Variants in PTPRD observed in about 807,000 individuals in gnomAD.
The protein encoded by PTPRD is receptor-type tyrosine-protein phosphatase delta.
Under a neutral mutation model 214.5 loss-of-function variants are expected in PTPRD, and 34 were observed. That is an observed-to-expected ratio of 0.16 (90% CI 0.12 to 0.21). The LOEUF (loss-of-function observed/expected upper bound fraction) is 0.21, where lower values mean the gene tolerates loss of function less well. Ranked by LOEUF, PTPRD falls within the 10% of genes least tolerant of loss-of-function variation. The pLI is 1.00. For missense variants in PTPRD, 2,545 were observed against 2,398.7 expected (o/e 1.06, Z -1.27); for synonymous variants, 1,128 against 845.7 (o/e 1.33, Z -5.79).
intron 9 of PTPRD, among the ~76,000 whole-genome samples, chr9:9,195,102 A>ATG (rs2099937635): frequency 2.8e-5 from 4 of 143,276 alleles, no homozygotes; most frequent in Admixed American, 2.2e-4. Context: ...ATATATATAT[A>ATG]TATATACACA....
chr9:9,018,061 G>T (rs66804963), intron 11 of PTPRD, among the ~76,000 whole-genome samples: 48,974 of 151,754 alleles, frequency 0.32, 8,420 homozygotes, highest in Non-Finnish European at 0.39. Context: ...AAGATCTGTC[G>T]TCTTTCTTCT....
intron 5 of PTPRD, among the ~76,000 whole-genome samples, chr9:9,775,674 T>C (rs2098791937): frequency 6.6e-6 from 1 of 152,162 alleles, no homozygotes; most frequent in African/African-American, 2.4e-5. Context: ...CTGGTTGCGG[T>C]GGCTCACGCC....
intron 31 of PTPRD, among the ~76,000 whole-genome samples, chr9:8,467,467 G>C (rs796685344): frequency 4.6e-5 from 7 of 151,686 alleles, no homozygotes; most frequent in African/African-American, 1.7e-4. Flanking sequence ...TTTACTCCTC[G>C]TAATAACCCT....
chr9:10,483,038 A>G (rs532498586), intron 2 of PTPRD, among the ~76,000 whole-genome samples: 4 of 152,330 alleles, frequency 2.6e-5, no homozygotes, highest in Admixed American at 2.0e-4. Context: ...TTCAAATTAT[A>G]TTGTAAGGCT....
At chr9:10,006,639 T>C (rs2096483253) in intron 4 of PTPRD, among the ~76,000 whole-genome samples, 1 of 151,974 alleles carries the variant, frequency 6.6e-6, no homozygotes, top group African/African-American at 2.4e-5. Context: ...CTATGTCAGG[T>C]ATTATTTAGT....
intron 2 of PTPRD, among the ~76,000 whole-genome samples, chr9:10,433,954 T>C (rs1207613162): frequency 6.6e-6 from 1 of 151,900 alleles, no homozygotes; most frequent in Non-Finnish European, 1.5e-5. Flanking sequence ...AATCAATCAC[T>C]ATAAACAAAA....
intron 11 of PTPRD, among the ~76,000 whole-genome samples, chr9:8,927,610 A>G (rs529417568): frequency 1.3e-5 from 2 of 152,216 alleles, no homozygotes; most frequent in East Asian, 3.9e-4. Flanking sequence ...TCTATCATTG[A>G]TGGGCACTTG....
At chr9:8,538,711 T>C (rs1250552261) in intron 14 of PTPRD, among the ~76,000 whole-genome samples, 3 of 151,756 alleles carry the variant, frequency 2.0e-5, no homozygotes, top group Admixed American at 6.6e-5. Flanking sequence ...TGAGTATGCA[T>C]GCACAAACAT....
In PTPRD at chr9:8,331,172, T is replaced by C. The variant is rs140038354; in HGVS notation, c.5534+410A>G. On this transcript the variant is annotated intron_variant, in intron 44 of 45. Coordinates refer to ENST00000381196, the MANE Select transcript of PTPRD (RefSeq NM_002839.4). Reference sequence around the variant, plus strand: ...ACTTATTGACTGGCAGAACTTAATATTGTCATTAGGATTTATTTGATAGCT... The same window carrying C: ...ACTTATTGACTGGCAGAACTTAATACTGTCATTAGGATTTATTTGATAGCT... Among the ~76,000 whole-genome samples the C allele has an allele frequency of 8.4e-3, 1,276 of 152,252 alleles. 12 individuals are homozygous for C. Among genetic ancestry groups the C allele is most frequent in the South Asian group, 0.012 (56 of 4,822 alleles).
intron 4 of PTPRD, among the ~76,000 whole-genome samples, chr9:9,961,983 A>G (rs1304805696): frequency 6.6e-6 from 1 of 152,012 alleles, no homozygotes; most frequent in East Asian, 1.9e-4. Flanking sequence ...TTTAAAAATA[A>G]GGAAAAAAAG....
At chr9:9,895,619 G>A (rs1748707074) in intron 5 of PTPRD, among the ~76,000 whole-genome samples, 1 of 151,920 alleles carries the variant, frequency 6.6e-6, no homozygotes, top group Admixed American at 6.6e-5. Flanking sequence ...GGAAAATGAT[G>A]GTCAAATATA....
chr9:9,453,619 G>T (rs1246238998), intron 8 of PTPRD, among the ~76,000 whole-genome samples: 4 of 151,572 alleles, frequency 2.6e-5, no homozygotes, highest in East Asian at 3.9e-4. Flanking sequence ...TCAGTCAAGT[G>T]CAGGAATATG....
intron 3 of PTPRD, among the ~76,000 whole-genome samples, chr9:10,255,065 TAAC>T (rs1166503417): frequency 6.6e-6 from 1 of 152,178 alleles, no homozygotes; most frequent in African/African-American, 2.4e-5. Flanking sequence ...AAGAGGACAA[TAAC>T]AACAACAATT....
At chr9:9,715,501 CA>C (rs987230879) in intron 7 of PTPRD, among the ~76,000 whole-genome samples, 4 of 151,590 alleles carry the variant, frequency 2.6e-5, no homozygotes, top group African/African-American at 4.8e-5. Flanking sequence ...TTTTCTACAA[CA>C]AAAAAAATTA....
intron 8 of PTPRD, among the ~76,000 whole-genome samples, chr9:9,493,838 G>A (rs1209169057): frequency 6.7e-6 from 1 of 148,434 alleles, no homozygotes; most frequent in Non-Finnish European, 1.5e-5. Context: ...AATACATTTT[G>A]TAAGGTTATA....
intron 2 of PTPRD, among the ~76,000 whole-genome samples, chr9:10,484,115 CA>C (rs1347620622): frequency 1.3e-5 from 2 of 151,972 alleles, no homozygotes; most frequent in Admixed American, 6.6e-5. Context: ...ACTGCTTGGT[CA>C]TAAAAAATGA....
At chr9:10,564,472 C>T (rs1308567986) in intron 2 of PTPRD, among the ~76,000 whole-genome samples, 2 of 151,726 alleles carry the variant, frequency 1.3e-5, no homozygotes, top group Non-Finnish European at 2.9e-5. Context: ...TTTTCTGCTT[C>T]TGTTTCTAGC....
intron 10 of PTPRD, among the ~76,000 whole-genome samples, chr9:9,156,412 CT>C (rs1455568557): frequency 6.6e-6 from 1 of 151,340 alleles, no homozygotes. Flanking sequence ...CAGATTCATA[CT>C]TGCTCACCTT....
intron 9 of PTPRD, among the ~76,000 whole-genome samples, chr9:9,342,043 A>G (rs1213275284): frequency 1.3e-5 from 2 of 152,110 alleles, no homozygotes; most frequent in African/African-American, 2.4e-5. Flanking sequence ...TCCTGACCTC[A>G]AGTGATCCAC....
Sources: gnomAD v4.1 joint callset for allele counts (sites outside exome capture counted in the v4.1 genomes callset) on GRCh38, gnomAD v4.1.1 for gene constraint, MANE v1.5 for transcripts, NCBI Gene and HGNC (gene_info 2026-07-23, HGNC 2026-07-21) for gene names.